The following TOR3A variants were observed in gnomAD, a reference collection of about 807,000 sequenced individuals.
TOR3A encodes torsin family 3 member A.
A neutral mutation model predicts 42.1 loss-of-function variants in TOR3A; 44 were observed. The observed-to-expected ratio is 1.04, with a 90% CI of 0.82 to 1.34. TOR3A has a LOEUF of 1.34. Ranked by LOEUF, TOR3A falls within the 40% of genes most tolerant of loss-of-function variation. The pLI is 0.00. For synonymous variants in TOR3A, 227 were observed against 213.2 expected, an observed-to-expected ratio of 1.06 and a Z score of -0.57; for missense variants, 521 against 507.6, an observed-to-expected ratio of 1.03 and a Z score of -0.25.
At chr1:179,087,358 T>C (rs913641899) in intron 3 of TOR3A, among the ~76,000 whole-genome samples, 2 of 152,098 alleles carry the variant, frequency 1.3e-5, no homozygotes, top group African/African-American at 4.8e-5. Flanking sequence ...CAGTGGGCGC[T>C]CTGCACCCGG....
At chr1:179,094,754 C>T (rs1652687378) in intron 5 of TOR3A, among the ~76,000 whole-genome samples, 2 of 152,272 alleles carry the variant, frequency 1.3e-5, no homozygotes, top group South Asian at 2.1e-4. Flanking sequence ...TGCTGTACGC[C>T]TGTGGTCCCA....
rs1189153269 is a variant in TOR3A, at chr1:179,095,717, T to C, written c.*499T>C. ...AGAACGAAGTTCTGTGACCCAGGGG[T>C]GGAGAATACACTCTAGGTTTGCAGG... On this transcript the variant is annotated 3_prime_UTR_variant, in exon 6 of 6. Coordinates refer to ENST00000367627, the MANE Select transcript of TOR3A (RefSeq NM_022371.4). 1.0e-6 allele frequency: 1 copy of C among 993,956 alleles called. No homozygotes were observed. Among genetic ancestry groups the C allele is most frequent in the Non-Finnish European group, 1.2e-6 (1 of 835,232 alleles). 61.6% of individuals were successfully genotyped at this position (993,956 alleles called of 1,614,324 possible). A position where few individuals can be genotyped will look rare whatever the true frequency, so the allele number is the denominator to read the frequency against.
At chr1:179,089,494 C>T (rs993720057) in intron 4 of TOR3A, among the ~76,000 whole-genome samples, 1 of 152,122 alleles carries the variant, frequency 6.6e-6, no homozygotes, top group African/African-American at 2.4e-5. Flanking sequence ...AGAGAGATCT[C>T]TTGCATGATT....
intron 3 of TOR3A, among the ~76,000 whole-genome samples, chr1:179,086,931 C>T (rs1652452740): frequency 6.6e-6 from 1 of 152,212 alleles, no homozygotes; most frequent in African/African-American, 2.4e-5. Context: ...CGTCTGAGGA[C>T]AGAGGCTGCC....
intron 4 of TOR3A, among the ~76,000 whole-genome samples, chr1:179,092,444 G>T (rs898013616): frequency 6.6e-6 from 1 of 152,166 alleles, no homozygotes; most frequent in African/African-American, 2.4e-5. Flanking sequence ...TGCAAGGGAG[G>T]CTAGGCCTAG....
chr1:179,082,406 G>C lies in TOR3A; in HGVS notation c.259+19G>C. 1 of 1,586,978 alleles carries C rather than the reference G, an allele frequency of 6.3e-7. No individual in the cohort carries two copies. On this transcript the variant is annotated intron_variant, in intron 1 of 5. Transcript: ENST00000367627. ...CCCCTGGGTAAGACCCCGTCCCCACGGTCCGCCGTTCGCTGCGGAGCAGAG... is the reference window on the plus strand; with the variant it reads ...CCCCTGGGTAAGACCCCGTCCCCACCGTCCGCCGTTCGCTGCGGAGCAGAG...
At position 179,094,139 on chromosome 1, in the gene TOR3A, A is replaced by G. The variant is rs1484334186; in HGVS notation, c.865A>G (p.Lys289Glu). 4.3e-6 allele frequency: 7 copies of G among 1,613,988 alleles called. No homozygotes were observed. The highest frequency in any genetic ancestry group is 5.1e-6 in the Non-Finnish European group (6 of 1,179,996). Residue 289 changes from lysine (K) to glutamate (E), a missense_variant, in exon 5 of 6, where the codon AAG becomes GAG. Lys to Glu is a moderately conservative substitution (Grantham distance 56, BLOSUM62 1). Coordinates refer to ENST00000367627, the MANE Select transcript of TOR3A (RefSeq NM_022371.4). ...CAATGAGGTGGTCCTAAAGTTGCTC[A>G]AGGCTGGATGGTCCCGGGAAGAAAT... ...IINEVVLKLL[K>E]AGWSREEITM...
Position 179,082,999 on chromosome 1 carries a change from A to G in TOR3A, c.319A>G (p.Ser107Gly). The G allele has an allele frequency of 6.3e-7, 1 of 1,589,164 alleles. No homozygotes were observed. Among genetic ancestry groups the G allele is most frequent in the Admixed American group, 1.8e-5 (1 of 55,430 alleles). ...GGACCTCCTGACCACGTGGTACTGC[A>G]GCTTCAAAGACTGCTGCCCTAGAGG... The part of the protein sequence containing the change: ...YLDLLTTWYC[S>G]FKDCCPRGDC... The change falls in exon 2 of 6, where the codon AGC (serine) becomes GGC (glycine). Residue 107 changes from serine (S) to glycine (G), a missense_variant. Ser to Gly is a moderately conservative substitution (Grantham distance 56). Transcript: ENST00000367627.
Position 179,095,315 on chromosome 1 carries a change from G to T in TOR3A, c.*97G>T. The T allele has an allele frequency of 6.4e-7, 1 of 1,554,174 alleles. No homozygotes were observed. Among genetic ancestry groups the T allele is most frequent in the Non-Finnish European group, 8.7e-7 (1 of 1,154,072 alleles). ...GTTTGGGACTGTGAGGTGTTTGAGG[G>T]TGTGGACTGGCATCCAGCAGCCACT... On this transcript the variant is annotated 3_prime_UTR_variant, in exon 6 of 6. Coordinates refer to ENST00000367627, the MANE Select transcript of TOR3A (RefSeq NM_022371.4).
chr1:179,082,597 C>CCCTGGCGCCCGGCTT, intron 1 of TOR3A: 1 of 780,074 alleles, frequency 1.3e-6, no homozygotes. Context: ...CTGCGCACCC[C>CCCTGGCGCCCGGCTT]CCTGGCGCCC....
chr1:179,095,449 T>TGAATTCAAAAACAGAGCCCATTCTTAA lies in TOR3A; in HGVS notation c.*234_*260dup. On this transcript the variant is annotated 3_prime_UTR_variant, in exon 6 of 6. Coordinates refer to ENST00000367627, the MANE Select transcript of TOR3A (RefSeq NM_022371.4). ...CGAGATAGATAGGAACTTGGATTGCTGAATTCAAAAACAGAGCCCATTCTT... is the reference window on the plus strand; with the variant it reads ...CGAGATAGATAGGAACTTGGATTGCTGAATTCAAAAACAGAGCCCATTCTTAAGAATTCAAAAACAGAGCCCATTCTT... 7.2e-7 allele frequency: 1 copy of TGAATTCAAAAACAGAGCCCATTCTTAA among 1,386,054 alleles called. No individual in the cohort carries two copies. The highest frequency in any genetic ancestry group is 1.4e-5 in the African/African-American group (1 of 69,006). 85.9% of individuals were successfully genotyped at this position (1,386,054 alleles called of 1,614,324 possible).
At position 179,095,916 on chromosome 1, in the gene TOR3A, C is replaced by A. The variant is rs934385031; in HGVS notation, c.*698C>A. 3 of 982,882 alleles carry A rather than the reference C, an allele frequency of 3.1e-6. No homozygotes were observed. The African/African-American group carries it at 5.3e-5, about 17-fold the overall frequency. 60.9% of individuals were successfully genotyped at this position (982,882 alleles called of 1,614,324 possible). A position where few individuals can be genotyped will look rare whatever the true frequency, so the allele number is the denominator to read the frequency against. ...ACAGATTTTGGCGGGGGAGGGGGGA[C>A]CTTTTCAAAGACAATAGGGGGTCTT... On this transcript the variant is annotated 3_prime_UTR_variant, in exon 6 of 6. Transcript: ENST00000367627.
chr1:179,094,364 G>A, intron 5 of TOR3A, 147 bp downstream of exon 5: 1 of 1,083,088 alleles, frequency 9.2e-7, no homozygotes. Flanking sequence ...AACCCTGGGT[G>A]GGCACAAGAA....
At chr1:179,086,903 C>T (rs1652452220) in intron 3 of TOR3A, among the ~76,000 whole-genome samples, 1 of 152,156 alleles carries the variant, frequency 6.6e-6, no homozygotes, top group Non-Finnish European at 1.5e-5. Context: ...ATGTGTTCAC[C>T]TGGGAAGATT....
Position 179,095,023 on chromosome 1 carries a change from C to T in TOR3A, c.999C>T (p.Ile333=), listed in dbSNP as rs764186086. ...LVKENLIDYF[I]PFLPLEYRHV... ...AGGAAAACCTGATTGACTACTTCAT[C>T]CCCTTCCTGCCTTTGGAGTACCGTC... is the stretch of plus-strand genomic sequence containing the variant. Residue 333 remains isoleucine, a synonymous_variant, in exon 6 of 6, where the codon ATC becomes ATT. Coordinates refer to ENST00000367627, the MANE Select transcript of TOR3A (RefSeq NM_022371.4). 51 of 1,614,104 alleles carry T rather than the reference C, an allele frequency of 3.2e-5. No individual in the cohort carries two copies. In the Admixed American group the frequency reaches 6.0e-4, roughly 19 times the overall value.
At position 179,095,072 on chromosome 1, in the gene TOR3A, G is replaced by A; in HGVS notation, c.1048G>A (p.Ala350Thr). The A allele has an allele frequency of 6.2e-7, 1 of 1,614,220 alleles. No individual in the cohort carries two copies. Among genetic ancestry groups the A allele is most frequent in the South Asian group, 1.1e-5 (1 of 91,090 alleles). The change falls in exon 6 of 6, where the codon GCC (alanine) becomes ACC (threonine). Residue 350 changes from alanine to threonine, a missense_variant. Coordinates refer to ENST00000367627, the MANE Select transcript of TOR3A (RefSeq NM_022371.4). ...YRHVRLCARD[A>T]FLSQELLYKE... is the part of the protein sequence containing the mutation. ...TCACGTGAGGCTGTGTGCACGGGAT[G>A]CCTTCCTGAGCCAGGAGCTCCTGTA... is the stretch of plus-strand genomic sequence containing the variant.
intron 2 of TOR3A, among the ~76,000 whole-genome samples, chr1:179,083,879 TC>T (rs1167541278): frequency 6.6e-6 from 1 of 152,154 alleles, no homozygotes; most frequent in African/African-American, 2.4e-5. Flanking sequence ...GTTCTCCTGA[TC>T]CCAGGTCCTT....
chr1:179,083,581 C>CGGGGGGGGGG (rs78979955), intron 2 of TOR3A, among the ~76,000 whole-genome samples: 2 of 102,642 alleles, frequency 1.9e-5, no homozygotes, highest in Admixed American at 2.3e-4. Flanking sequence ...TTAGTAGAGG[C>CGGGGGGGGGG]GGGGGGGGGG....
intron 4 of TOR3A, among the ~76,000 whole-genome samples, chr1:179,089,439 G>A (rs960712881): frequency 1.3e-5 from 2 of 152,142 alleles, no homozygotes. Context: ...AATGCATTGC[G>A]AAGTGGGAGG....
Sources: allele counts gnomAD v4.1 joint callset (sites outside exome capture counted in the v4.1 genomes callset), GRCh38; gene constraint gnomAD v4.1.1; transcripts MANE v1.5; gene names NCBI Gene and HGNC (gene_info 2026-07-23, HGNC 2026-07-21).